FBLN5: variants seen among roughly 807,000 people sequenced by gnomAD.
FBLN5 encodes the protein fibulin-5.
In FBLN5, 24 loss-of-function variants were observed where a neutral mutation model predicts 61.6. That is an observed-to-expected ratio of 0.39 (90% CI 0.28 to 0.55). The LOEUF (loss-of-function observed/expected upper bound fraction) is 0.55. Among genes scored for constraint, FBLN5 ranks in the 20% least tolerant of loss-of-function variants. The pLI is 0.65. For synonymous variants in FBLN5, 213 were observed against 219.8 expected (o/e 0.97, Z 0.27); for missense variants, 470 against 594.1 (o/e 0.79, Z 2.17).
intron 6 of FBLN5, among the ~76,000 whole-genome samples, chr14:91,888,460 T>A (rs909487148): frequency 4.9e-4 from 74 of 151,264 alleles, no homozygotes; most frequent in Admixed American, 2.0e-4. Flanking sequence ...TACAAAAAAA[T>A]TAGCCAGGCA....
chr14:91,911,332 C>G (rs1595326048), intron 4 of FBLN5, among the ~76,000 whole-genome samples: 1 of 152,282 alleles, frequency 6.6e-6, no homozygotes, highest in South Asian at 2.1e-4. Flanking sequence ...TTACTTGCCC[C>G]TAAAAACCTT....
chr14:91,938,583 C>T (rs1013261679), intron 3 of FBLN5: 2 of 152,336 alleles, frequency 1.3e-5, no homozygotes, highest in African/African-American at 4.8e-5. Flanking sequence ...CAATTTCTAG[C>T]CAGGCTGGGC....
intron 5 of FBLN5, among the ~76,000 whole-genome samples, chr14:91,892,958 T>C (rs974336441): frequency 6.6e-6 from 1 of 152,186 alleles, no homozygotes. Context: ...ATGAGCATCC[T>C]TTCCACAGCT....
At chr14:91,945,208 G>C (rs57271358) in intron 1 of FBLN5, among the ~76,000 whole-genome samples, 14,025 of 149,372 alleles carry the variant, frequency 0.094, 830 homozygotes, top group African/African-American at 0.17. Context: ...TCCAGCCCGG[G>C]AGACAGCGAG....
At chr14:91,881,458 AT>A (rs1162888276) in intron 8 of FBLN5, 40 bp from the exon 9 acceptor site, 2 of 1,613,248 alleles carry the variant, frequency 1.2e-6, no homozygotes. Context: ...GCAGGGCATT[AT>A]TGGCCAGGCC....
Position 91,940,244 on chromosome 14 carries a change from C to G in FBLN5, c.124+321G>C, listed in dbSNP as rs533149489. On this transcript the variant is annotated intron_variant, in intron 3 of 10. Coordinates refer to ENST00000342058, the MANE Select transcript of FBLN5 (RefSeq NM_006329.4). ...TGGAGACTCAAGTCAAACTTCTGAC[C>G]TACTGAACTGTAAAATCATACACTG... 8.5e-5 allele frequency among the ~76,000 whole-genome samples: 13 copies of G among 152,284 alleles called. 1 individual carries two copies. In the South Asian group the frequency reaches 2.5e-3, roughly 29 times the overall value.
intron 4 of FBLN5, among the ~76,000 whole-genome samples, chr14:91,901,312 A>T (rs1890440583): frequency 6.6e-6 from 1 of 152,196 alleles, no homozygotes; most frequent in Non-Finnish European, 1.5e-5. Flanking sequence ...AGCCAAAGGG[A>T]AACATTCTCA....
chr14:91,915,368 A>C (rs537604771), intron 4 of FBLN5, among the ~76,000 whole-genome samples: 2 of 152,228 alleles, frequency 1.3e-5, no homozygotes, highest in Admixed American at 1.3e-4. Context: ...CAGAAAGTGC[A>C]AACAGTCCCC....
intron 4 of FBLN5, among the ~76,000 whole-genome samples, chr14:91,911,009 A>T (rs1890901719): frequency 6.6e-6 from 1 of 150,616 alleles, no homozygotes; most frequent in African/African-American, 2.4e-5. Flanking sequence ...TTTAATACAG[A>T]GTCTCACTCT....
chr14:91,871,800 T>C (rs536170901), intron 10 of FBLN5, among the ~76,000 whole-genome samples: 2 of 150,194 alleles, frequency 1.3e-5, no homozygotes, highest in African/African-American at 4.9e-5. Flanking sequence ...GAGGTTGCAG[T>C]GAATAGAGAT....
At chr14:91,915,612 G>A (rs546947407) in intron 4 of FBLN5, among the ~76,000 whole-genome samples, 4 of 150,186 alleles carry the variant, frequency 2.7e-5, no homozygotes, top group East Asian at 3.9e-4. Context: ...GCATGAACCC[G>A]GGAGGCGGAG....
At chr14:91,911,260 C>T (rs969399822) in intron 4 of FBLN5, among the ~76,000 whole-genome samples, 2 of 152,210 alleles carry the variant, frequency 1.3e-5, no homozygotes, top group Admixed American at 1.3e-4. Context: ...GCTGGGATTA[C>T]AGGCGTGAGC....
chr14:91,882,919 A>G lies in FBLN5; in HGVS notation c.862+35T>C, dbSNP rs770469596. 1.2e-6 allele frequency: 2 copies of G among 1,611,340 alleles called. No individual in the cohort carries two copies. The highest frequency in any genetic ancestry group is 1.7e-6 in the Non-Finnish European group (2 of 1,178,426). ...CCCCTGAAGCAGCTCCACCTCACAC[A>G]TACACCCCAGCCAGGCCCCTCCGGA... On this transcript the variant is annotated intron_variant, in intron 8 of 10. Coordinates refer to ENST00000342058, the MANE Select transcript of FBLN5 (RefSeq NM_006329.4). The surrounding 1 kb of genome is among the most constrained non-coding windows in gnomAD (Gnocchi z 4.9).
In FBLN5 at chr14:91,937,475, T is replaced by C. The variant is rs58235990; in HGVS notation, c.125-274A>G. ...TTTGAATGTCCCTCCAAAACTCATA[T>C]TGAAACTTAATCCCCAGTGTTGCAA... On this transcript the variant is annotated intron_variant, in intron 3 of 10. Coordinates refer to ENST00000342058, the MANE Select transcript of FBLN5 (RefSeq NM_006329.4). Among the ~76,000 whole-genome samples, 2,007 of 152,266 alleles carry C rather than the reference T, an allele frequency of 0.013. 32 individuals are homozygous for C. The highest frequency in any genetic ancestry group is 0.066 in the East Asian group (343 of 5,172).
At chr14:91,879,058 T>G (rs957394183) in intron 9 of FBLN5, among the ~76,000 whole-genome samples, 3 of 152,192 alleles carry the variant, frequency 2.0e-5, no homozygotes, top group African/African-American at 7.2e-5. Flanking sequence ...CCAGCCTGGG[T>G]GGCAGAGCAA....
chr14:91,924,840 T>C (rs111709411), intron 4 of FBLN5, among the ~76,000 whole-genome samples: 3 of 152,256 alleles, frequency 2.0e-5, no homozygotes, highest in African/African-American at 7.2e-5. Flanking sequence ...CCAGGAGTCC[T>C]GTCCCATCAT....
At chr14:91,897,293 G>A (rs567873320) in intron 4 of FBLN5, among the ~76,000 whole-genome samples, 3 of 152,170 alleles carry the variant, frequency 2.0e-5, no homozygotes, top group Non-Finnish European at 4.4e-5. Flanking sequence ...CCTCCCAGGG[G>A]AGCTGGTGAA....
chr14:91,881,567 T>C (rs935974698), intron 8 of FBLN5, 149 bp from the exon 9 acceptor site: 6 of 837,466 alleles, frequency 7.2e-6, no homozygotes, highest in Non-Finnish European at 1.2e-5. Flanking sequence ...ACTTGGAATG[T>C]GGCTGATCCA....
At position 91,906,187 on chromosome 14, in the gene FBLN5, A is replaced by C. The variant is rs539189972; in HGVS notation, c.380-11115T>G. On this transcript the variant is annotated intron_variant, in intron 4 of 10. Coordinates refer to ENST00000342058, the MANE Select transcript of FBLN5 (RefSeq NM_006329.4). Reference sequence around the variant, plus strand: ...TAGGCATGACCATGCCCGACTGAGAATATGAACTTTTTGGTTACAGACCAA... The same window carrying C: ...TAGGCATGACCATGCCCGACTGAGACTATGAACTTTTTGGTTACAGACCAA... Among the ~76,000 whole-genome samples, 4 of 152,306 alleles carry C rather than the reference A, an allele frequency of 2.6e-5. No homozygotes were observed. In the East Asian group the frequency reaches 7.7e-4, roughly 29 times the overall value.
Sources: gnomAD v4.1 joint callset for allele counts (sites outside exome capture counted in the v4.1 genomes callset) on GRCh38, gnomAD v4.1.1 for gene constraint, Gnocchi (gnomAD v3.1) non-coding constraint, MANE v1.5 for transcripts, NCBI Gene and HGNC (gene_info 2026-07-23, HGNC 2026-07-21) for gene names.